AGAP1: variants seen among roughly 807,000 people sequenced by gnomAD.
AGAP1 encodes ArfGAP with GTPase domain, ankyrin repeat and PH domain 1, also known as arf-GAP with GTPase, ANK repeat and PH domain-containing protein 1.
Under a neutral mutation model 105.3 loss-of-function variants are expected in AGAP1, and 29 were observed. The ratio of observed to expected loss-of-function variants is 0.28; its 90% CI spans 0.21 to 0.38. AGAP1 has a LOEUF of 0.38. AGAP1 is among the 10% of genes least tolerant of loss of function. The probability of loss-of-function intolerance (pLI) is 1.00; values close to 1 mark genes in which losing one functional copy is unlikely to be tolerated. For synonymous variants in AGAP1, 509 were observed against 485.9 expected (o/e 1.05, Z -0.63); for missense variants, 998 against 1,165.1 (o/e 0.86, Z 2.09).
chr2:235,785,938 C>T (rs1048143594), intron 6 of AGAP1, among the ~76,000 whole-genome samples: 20 of 152,146 alleles, frequency 1.3e-4, no homozygotes, highest in African/African-American at 4.6e-4. Context: ...AGGGAAGTCC[C>T]GTAGCTTTGC....
At position 236,129,106 on chromosome 2, in the gene AGAP1, C is replaced by G. The variant is rs1009997531; in HGVS notation, c.*4984C>G. 5 of 152,242 alleles carry G rather than the reference C, an allele frequency of 3.3e-5. No individual in the cohort carries two copies. The highest frequency in any genetic ancestry group is 1.2e-4 in the African/African-American group (5 of 41,466). 9.4% of individuals were successfully genotyped at this position (152,242 alleles called of 1,614,324 possible). A position where few individuals can be genotyped will look rare whatever the true frequency, so the allele number is the denominator to read the frequency against. Reference sequence around the variant, plus strand: ...CCTTCCCCAAAAAGCTAAATAAGGGCCTTTGGCATCAATGCGTGCATTCTC... The same window carrying G: ...CCTTCCCCAAAAAGCTAAATAAGGGGCTTTGGCATCAATGCGTGCATTCTC... On this transcript the variant is annotated 3_prime_UTR_variant, in exon 18 of 18. Coordinates refer to ENST00000304032, the MANE Select transcript of AGAP1 (RefSeq NM_001037131.3). This position sits in a 1 kb window ranked among gnomAD's most constrained non-coding sequence, Gnocchi z 6.2.
At chr2:235,588,434 C>T (rs897776013) in intron 1 of AGAP1, among the ~76,000 whole-genome samples, 57 of 152,200 alleles carry the variant, frequency 3.7e-4, no homozygotes, top group African/African-American at 1.3e-3. Context: ...CCTTCCTCAC[C>T]CTTGATGCTG....
intron 11 of AGAP1, among the ~76,000 whole-genome samples, chr2:235,923,566 G>C (rs751534068): frequency 8.6e-6 from 1 of 116,546 alleles, no homozygotes; most frequent in African/African-American, 3.3e-5. Context: ...TTCTCACTCC[G>C]TAGATGGGTT....
At chr2:235,661,174 G>C (rs1254532246) in intron 1 of AGAP1, among the ~76,000 whole-genome samples, 3 of 152,166 alleles carry the variant, frequency 2.0e-5, no homozygotes, top group African/African-American at 7.2e-5. Flanking sequence ...GAACAGTAGA[G>C]GGAGAGTGGA....
Position 235,631,199 on chromosome 2 carries a change from T to A in AGAP1, c.164-77980T>A, listed in dbSNP as rs1946818899. On this transcript the variant is annotated intron_variant, in intron 1 of 17. Transcript: ENST00000304032. This position sits in a 1 kb window ranked among gnomAD's most constrained non-coding sequence, Gnocchi z 5.4. ...CTGCAAATAAACACGTTGAAGAGCC[T>A]CCTTCCAGTGGGTAAATGGCAAACT... Among the ~76,000 whole-genome samples, 2 of 152,162 alleles carry A rather than the reference T, an allele frequency of 1.3e-5. No individual in the cohort carries two copies. The highest frequency in any genetic ancestry group is 6.5e-5 in the Admixed American group (1 of 15,276).
rs914185380 is a variant in AGAP1 at position 235,582,031 on chromosome 2, C to T, written c.163+87182C>T. On this transcript the variant is annotated intron_variant, in intron 1 of 17. Coordinates refer to ENST00000304032, the MANE Select transcript of AGAP1 (RefSeq NM_001037131.3). The surrounding 1 kb of genome is among the most constrained non-coding windows in gnomAD (Gnocchi z 4.7). ...GTCCTTCAGCAACCCAACATATTAA[C>T]GCAGTCTTTAGGAGACATGAAATGT... Among the ~76,000 whole-genome samples the T allele has an allele frequency of 6.6e-5, 10 of 152,150 alleles. 1 individual carries two copies. The highest frequency in any genetic ancestry group is 1.0e-4 in the Non-Finnish European group (7 of 68,030).
intron 6 of AGAP1, among the ~76,000 whole-genome samples, chr2:235,763,057 T>TGCGCGCGCGCGCGC: frequency 9.3e-6 from 1 of 107,012 alleles, no homozygotes; most frequent in South Asian, 2.5e-4. Flanking sequence ...TGTGTATGTG[T>TGCGCGCGCGCGCGC]GCGCGCGCGC....
rs933935828 is a variant in AGAP1 at position 235,988,367 on chromosome 2, G to C, written c.1645+19744G>C. On this transcript the variant is annotated intron_variant, in intron 13 of 17. Transcript: ENST00000304032. This position sits in a 1 kb window ranked among gnomAD's most constrained non-coding sequence, Gnocchi z 4.7. Reference sequence around the variant, plus strand: ...CTAAAACTCCTTTTGATTGGTGCGTGGGTGACAATGGATTCCCTGTCCCTG... The same window carrying C: ...CTAAAACTCCTTTTGATTGGTGCGTCGGTGACAATGGATTCCCTGTCCCTG... Among the ~76,000 whole-genome samples, 30 of 152,132 alleles carry C rather than the reference G, an allele frequency of 2.0e-4. No homozygotes were observed. Among genetic ancestry groups the C allele is most frequent in the African/African-American group, 7.2e-4 (30 of 41,432 alleles).
intron 1 of AGAP1, among the ~76,000 whole-genome samples, chr2:235,575,175 A>G (rs1944692821): frequency 6.6e-6 from 1 of 152,082 alleles, no homozygotes. Flanking sequence ...GAATAAAGAG[A>G]TGGTGGTTGG....
intron 11 of AGAP1, among the ~76,000 whole-genome samples, chr2:235,924,865 C>T (rs1446819037): frequency 6.6e-6 from 1 of 152,168 alleles, no homozygotes; most frequent in African/African-American, 2.4e-5. Flanking sequence ...AGACATTACC[C>T]CTGTTGTACC....
intron 16 of AGAP1, among the ~76,000 whole-genome samples, chr2:236,106,793 G>C (rs2059507790): frequency 6.6e-6 from 1 of 152,176 alleles, no homozygotes; most frequent in South Asian, 2.1e-4. Context: ...GACCAGGCAA[G>C]GTCTGGCTTC....
rs745999921 is a variant in AGAP1 at position 236,011,800 on chromosome 2, C to T, written c.1646-24761C>T. 5.9e-5 allele frequency among the ~76,000 whole-genome samples: 9 copies of T among 152,176 alleles called. No individual in the cohort carries two copies. In the South Asian group the frequency reaches 1.2e-3, roughly 21 times the overall value. On this transcript the variant is annotated intron_variant, in intron 13 of 17. Transcript: ENST00000304032. ...TAGTCCCCCTGAAGTCCCCGAGAAT[C>T]GCCTTTTATTCCAAAGGCCTGAGAC...
chr2:235,805,321 A>G (rs1466017247), intron 8 of AGAP1, among the ~76,000 whole-genome samples: 3 of 152,216 alleles, frequency 2.0e-5, no homozygotes, highest in East Asian at 3.8e-4. Context: ...CAGCAGGGCA[A>G]TGAGCTATTT....
At chr2:235,763,138 T>G (rs1410038441) in intron 6 of AGAP1, among the ~76,000 whole-genome samples, 1 of 151,980 alleles carries the variant, frequency 6.6e-6, no homozygotes, top group Non-Finnish European at 1.5e-5. Flanking sequence ...GCATACTCTT[T>G]CACATACACG....
chr2:235,495,744 C>T (rs1941289078), intron 1 of AGAP1, among the ~76,000 whole-genome samples: 2 of 152,334 alleles, frequency 1.3e-5, no homozygotes, highest in South Asian at 2.1e-4. Flanking sequence ...TATTTTCTTG[C>T]TTCATCCCTT....
chr2:236,029,193 T>TTTG (rs1030369840), intron 13 of AGAP1, among the ~76,000 whole-genome samples: 7 of 151,600 alleles, frequency 4.6e-5, no homozygotes, highest in African/African-American at 1.7e-4. Context: ...GTTTTTTTTT[T>TTTG]TTGTTTACAT....
chr2:235,501,216 C>T (rs1046932440), intron 1 of AGAP1, among the ~76,000 whole-genome samples: 1 of 152,326 alleles, frequency 6.6e-6, no homozygotes, highest in South Asian at 2.1e-4. Flanking sequence ...GGTGGCATGT[C>T]GGATGGACAT....
In AGAP1 at chr2:235,665,176, C is replaced by T; in HGVS notation, c.164-44003C>T. ...AGGCTGTAGTGAGCTATGATCTTGC[C>T]ACTGCACTCTAGCCTGTCTGTGTGG... On this transcript the variant is annotated intron_variant, in intron 1 of 17. Coordinates refer to ENST00000304032, the MANE Select transcript of AGAP1 (RefSeq NM_001037131.3). The surrounding 1 kb of genome is among the most constrained non-coding windows in gnomAD (Gnocchi z 5.3). 6.6e-6 allele frequency among the ~76,000 whole-genome samples: 1 copy of T among 152,182 alleles called. No individual in the cohort carries two copies. The highest frequency in any genetic ancestry group is 1.5e-5 in the Non-Finnish European group (1 of 68,038).
Position 236,002,260 on chromosome 2 carries a change from G to A in AGAP1, c.1645+33637G>A, listed in dbSNP as rs542313132. Among the ~76,000 whole-genome samples, 3 of 152,152 alleles carry A rather than the reference G, an allele frequency of 2.0e-5. No individual in the cohort carries two copies. The highest frequency in any genetic ancestry group is 2.9e-5 in the Non-Finnish European group (2 of 68,030). Reference sequence around the variant, plus strand: ...AACAGACAAACACAACATGACCCACGCACCCAGCCTGAGCCCAGGAGGCTC... The same window carrying A: ...AACAGACAAACACAACATGACCCACACACCCAGCCTGAGCCCAGGAGGCTC... On this transcript the variant is annotated intron_variant, in intron 13 of 17. Transcript: ENST00000304032. This position sits in a 1 kb window ranked among gnomAD's most constrained non-coding sequence, Gnocchi z 4.3.
Sources: allele counts gnomAD v4.1 joint callset (sites outside exome capture counted in the v4.1 genomes callset), GRCh38; gene constraint gnomAD v4.1.1; non-coding constraint Gnocchi (gnomAD v3.1); transcripts MANE v1.5; gene names NCBI Gene and HGNC (gene_info 2026-07-23, HGNC 2026-07-21).